The following MGAT4C variants were observed in gnomAD, a reference collection of about 807,000 sequenced individuals.
MGAT4C encodes MGAT4 family member C.
In MGAT4C, 19 loss-of-function variants were observed where a neutral mutation model predicts 40.1. That is an observed-to-expected ratio of 0.47 (90% confidence interval 0.33 to 0.70). MGAT4C has a LOEUF of 0.70. MGAT4C is among the 30% of genes least tolerant of loss of function. MGAT4C has a pLI of 0.02. For synonymous variants in MGAT4C, 181 were observed against 187.1 expected (o/e 0.97, Z 0.27); for missense variants, 491 against 563.2 (o/e 0.87, Z 1.30).
At chr12:86,306,833 A>C (rs992685363) in intron 4 of MGAT4C, among the ~76,000 whole-genome samples, 2 of 109,036 alleles carry the variant, frequency 1.8e-5, no homozygotes, top group African/African-American at 6.7e-5. Flanking sequence ...AACTATAGAC[A>C]GATAAAGGGA....
rs866062765 is a variant in MGAT4C, at chr12:86,248,363, T to G, written c.-57+7876A>C. On this transcript the variant is annotated intron_variant, in intron 1 of 4. Coordinates refer to ENST00000611864, the MANE Select transcript of MGAT4C (RefSeq NM_001351288.2). ...TTGACCTCAAGAGAGTAAAATACCC[T>G]CTATGATTTGTGACTACAACCCTGT... 7.7e-4 allele frequency among the ~76,000 whole-genome samples: 117 copies of G among 152,126 alleles called. 1 individual carries two copies. Among genetic ancestry groups the G allele is most frequent in the African/African-American group, 2.7e-3 (114 of 41,506 alleles).
intron 1 of MGAT4C, among the ~76,000 whole-genome samples, chr12:86,773,842 T>C (rs1435121432): frequency 6.6e-6 from 1 of 151,890 alleles, no homozygotes; most frequent in African/African-American, 2.4e-5. Context: ...GCTTCCACAT[T>C]GTATAAGTTT....
chr12:86,102,820 C>T (rs1875351013), intron 1 of MGAT4C, among the ~76,000 whole-genome samples: 1 of 152,028 alleles, frequency 6.6e-6, no homozygotes, highest in African/African-American at 2.4e-5. Context: ...ACCATTTTAA[C>T]ATTTACCAGT....
chr12:85,966,534 C>A lies in MGAT4C; in HGVS notation c.*12755G>T, dbSNP rs1883374033. The A allele has an allele frequency of 6.6e-6, 1 of 152,114 alleles. No individual in the cohort carries two copies. Among genetic ancestry groups the A allele is most frequent in the South Asian group, 2.1e-4 (1 of 4,822 alleles). The allele number at this position is 152,114 out of a possible 1,614,324, so 9.4% of individuals were successfully genotyped here. A position where few individuals can be genotyped will look rare whatever the true frequency, so the allele number is the denominator to read the frequency against. On this transcript the variant is annotated 3_prime_UTR_variant, in exon 5 of 5. Coordinates refer to ENST00000611864, the MANE Select transcript of MGAT4C (RefSeq NM_001351288.2). ...CTTTTAGAAATACCATTTGACCCAG[C>A]CATCCCATTACTGGGTATATACCCA...
intron 3 of MGAT4C, among the ~76,000 whole-genome samples, chr12:86,353,028 TA>T (rs939385210): frequency 2.2e-5 from 3 of 139,140 alleles, no homozygotes; most frequent in African/African-American, 2.6e-5. Flanking sequence ...AATAATAAAA[TA>T]AAAAAATAAA....
chr12:86,773,315 A>G (rs1348082038), intron 1 of MGAT4C, among the ~76,000 whole-genome samples: 1 of 152,156 alleles, frequency 6.6e-6, no homozygotes, highest in Non-Finnish European at 1.5e-5. Context: ...ATATGAAAAC[A>G]CAGGGAGAAG....
chr12:86,553,978 T>C (rs1959486821), intron 2 of MGAT4C, among the ~76,000 whole-genome samples: 1 of 152,190 alleles, frequency 6.6e-6, no homozygotes, highest in Non-Finnish European at 1.5e-5. Flanking sequence ...CATTTCATCA[T>C]AGAAATAGTC....
chr12:86,041,812 G>A (rs982786828), intron 2 of MGAT4C, among the ~76,000 whole-genome samples: 3 of 152,148 alleles, frequency 2.0e-5, no homozygotes, highest in Non-Finnish European at 4.4e-5. Context: ...TGGGTGGAGA[G>A]TTCTGTAGGT....
chr12:86,717,528 G>T (rs1178398083), intron 2 of MGAT4C, among the ~76,000 whole-genome samples: 1 of 152,048 alleles, frequency 6.6e-6, no homozygotes, highest in Non-Finnish European at 1.5e-5. Flanking sequence ...TATTTTGTTA[G>T]TCTTGATTAG....
chr12:86,449,719 G>T (rs1957393385), intron 2 of MGAT4C, among the ~76,000 whole-genome samples: 1 of 152,104 alleles, frequency 6.6e-6, no homozygotes, highest in Admixed American at 6.6e-5. Context: ...CTATGTATAA[G>T]ATTTAGTACC....
intron 1 of MGAT4C, among the ~76,000 whole-genome samples, chr12:86,185,524 A>T (rs749126314): frequency 2.0e-5 from 3 of 152,110 alleles, no homozygotes; most frequent in Non-Finnish European, 2.9e-5. Flanking sequence ...ATGTTCTTTA[A>T]AAACAAACAA....
chr12:86,798,289 G>A (rs1022989972), intron 1 of MGAT4C, among the ~76,000 whole-genome samples: 1 of 151,860 alleles, frequency 6.6e-6, no homozygotes, highest in Non-Finnish European at 1.5e-5. Context: ...AATTCACTTT[G>A]TAGTTCATCA....
chr12:86,093,013 AC>A (rs1873164233), intron 1 of MGAT4C, among the ~76,000 whole-genome samples: 1 of 151,166 alleles, frequency 6.6e-6, no homozygotes, highest in South Asian at 2.1e-4. Context: ...CTAGCTCCCC[AC>A]CCCTTGACAG....
chr12:86,212,724 TAA>T (rs63517761), intron 1 of MGAT4C, among the ~76,000 whole-genome samples: 9,584 of 107,830 alleles, frequency 0.089, 536 homozygotes, highest in Middle Eastern at 0.24. Context: ...CCGTCTCTAC[TAA>T]AAAAAAAAAA....
intron 3 of MGAT4C, among the ~76,000 whole-genome samples, chr12:86,337,209 A>G (rs73385292): frequency 0.091 from 13,822 of 152,188 alleles, 1,542 homozygotes; most frequent in African/African-American, 0.25. Flanking sequence ...TGGGAGTTAC[A>G]AAGTGTTTGA....
chr12:86,041,489 G>A (rs1190800725), intron 2 of MGAT4C, among the ~76,000 whole-genome samples: 1 of 151,974 alleles, frequency 6.6e-6, no homozygotes, highest in Non-Finnish European at 1.5e-5. Flanking sequence ...CATTACTTTT[G>A]CTTTGTCCCA....
chr12:86,504,946 C>A (rs977758117), intron 2 of MGAT4C, among the ~76,000 whole-genome samples: 2 of 152,036 alleles, frequency 1.3e-5, no homozygotes, highest in Non-Finnish European at 2.9e-5. Flanking sequence ...CGGCGCCCAG[C>A]CAATCTATTT....
intron 2 of MGAT4C, among the ~76,000 whole-genome samples, chr12:86,514,111 A>AC (rs1565818700): frequency 5.2e-4 from 66 of 126,660 alleles, no homozygotes; most frequent in African/African-American, 2.1e-3. Context: ...CACACACACA[A>AC]CCCCGGCTTA....
chr12:86,210,362 A>C (rs1409039635), intron 1 of MGAT4C, among the ~76,000 whole-genome samples: 2 of 152,230 alleles, frequency 1.3e-5, no homozygotes, highest in Non-Finnish European at 2.9e-5. Flanking sequence ...AGTAAACAAA[A>C]GTGTGCATAA....
Sources: gnomAD v4.1 joint callset for allele counts (sites outside exome capture counted in the v4.1 genomes callset) on GRCh38, gnomAD v4.1.1 for gene constraint, MANE v1.5 for transcripts, NCBI Gene and HGNC (gene_info 2026-07-23, HGNC 2026-07-21) for gene names.